Variants in CRYBG1 observed in about 807,000 individuals in gnomAD.
The protein encoded by CRYBG1 is beta/gamma crystallin domain-containing protein 1.
Under a neutral mutation model 189.2 loss-of-function variants are expected in CRYBG1, and 139 were observed. The ratio of observed to expected loss-of-function variants is 0.73; its 90% CI spans 0.64 to 0.85. The LOEUF is 0.85. Among genes scored for constraint, CRYBG1 ranks in the 40% least tolerant of loss-of-function variants. The pLI is 0.00. For missense variants in CRYBG1, 2,611 were observed against 2,675.8 expected (o/e 0.98, Z 0.53); for synonymous variants, 1,023 against 1,017.1 (o/e 1.01, Z -0.11).
chr6:106,458,957 G>A (rs750636022), intron 2 of CRYBG1, among the ~76,000 whole-genome samples: 1 of 152,164 alleles, frequency 6.6e-6, no homozygotes, highest in Non-Finnish European at 1.5e-5. Flanking sequence ...GCTGGAGGAC[G>A]TTGCTTTGGT....
chr6:106,421,628 A>T (rs928363655), intron 1 of CRYBG1, among the ~76,000 whole-genome samples: 38 of 152,138 alleles, frequency 2.5e-4, no homozygotes, highest in African/African-American at 8.5e-4. Flanking sequence ...GATGTGACTC[A>T]GTCTTGTCCT....
rs938968662 is a variant in CRYBG1 at position 106,555,151 on chromosome 6, C to T, written c.5586-617C>T. Among the ~76,000 whole-genome samples the T allele has an allele frequency of 2.3e-4, 34 of 146,260 alleles. 1 individual carries two copies. The highest frequency in any genetic ancestry group is 2.2e-4 in the South Asian group (1 of 4,604). ...CTGCACTCCAGCCTGTGTGACAGAG[C>T]GAGATTCTGTCCCCCCGCCACCAAA... On this transcript the variant is annotated intron_variant, in intron 16 of 21. Transcript: ENST00000633556.
chr6:106,369,086 C>T (rs1036658582), intron 1 of CRYBG1, among the ~76,000 whole-genome samples: 4 of 152,102 alleles, frequency 2.6e-5, no homozygotes, highest in Admixed American at 2.6e-4. Context: ...GTTCAGAATA[C>T]TGATGGATTC....
Position 106,519,669 on chromosome 6 carries a change from G to T in CRYBG1, c.2461G>T (p.Ala821Ser). The change falls in exon 4 of 22, where the codon GCA (alanine) becomes TCA (serine). Residue 821 changes from alanine to serine, a missense_variant. Around this residue, in one of 3 missense-constraint regions of CRYBG1, gnomAD observed 1,622 missense variants for 1,735.0 expected, o/e 0.93. Transcript: ENST00000633556. ...CTTAGAGAAGGAGGACTCAGAGGCT[G>T]CAGACAGCAAAAGCCTTGTACTTGA... ...KLLEKEDSEA[A>S]DSKSLVLENV... 2 of 1,614,088 alleles carry T rather than the reference G, an allele frequency of 1.2e-6. No individual in the cohort carries two copies. The highest frequency in any genetic ancestry group is 1.7e-6 in the Non-Finnish European group (2 of 1,179,956).
At position 106,543,535 on chromosome 6, in the gene CRYBG1, G is replaced by C. The variant is rs138751164; in HGVS notation, c.4977G>C (p.Glu1659Asp). 794 of 1,614,120 alleles carry C rather than the reference G, an allele frequency of 4.9e-4. 7 individuals carry two copies. The African/African-American group carries it at 9.2e-3, about 19-fold the overall frequency. Residue 1659 changes from glutamate (E) to aspartate (D), a missense_variant, in exon 11 of 22, where the codon GAG (glutamate) becomes GAC (aspartate). Transcript: ENST00000633556. ...TCATGGAGGGAGGTGAAACAGAAGA[G>C]GCGACTGGAGACGATCATTTGCCGT... ...SFVMEGGETE[E>D]ATGDDHLPFT...
At chr6:106,541,375 A>G (rs1774125787) in intron 9 of CRYBG1, 2 of 677,930 alleles carry the variant, frequency 3.0e-6, no homozygotes, top group Non-Finnish European at 2.8e-6. Flanking sequence ...AGATCAGCTT[A>G]TAGACTGCTT....
intron 2 of CRYBG1, among the ~76,000 whole-genome samples, chr6:106,472,636 T>G (rs1002075590): frequency 6.6e-6 from 1 of 152,198 alleles, no homozygotes; most frequent in Non-Finnish European, 1.5e-5. Context: ...GGCTCATGCC[T>G]GTAATCCCAG....
At chr6:106,567,799 TACAA>T (rs1265300174) in intron 21 of CRYBG1, among the ~76,000 whole-genome samples, 1 of 152,216 alleles carries the variant, frequency 6.6e-6, no homozygotes, top group Admixed American at 6.5e-5. Context: ...TGGAAAATCT[TACAA>T]ACATTCTGGT....
At position 106,558,577 on chromosome 6, in the gene CRYBG1, C is replaced by G. The variant is rs772065472; in HGVS notation, c.5807C>G (p.Ser1936Cys). Residue 1936 changes from serine to cysteine, a missense_variant, in exon 18 of 22, where the codon TCC becomes TGC. This residue lies in a region of CRYBG1 where 1,622 missense variants were observed against 1,735.0 expected (regional missense o/e 0.93). Transcript: ENST00000633556. Reference sequence around the variant, plus strand: ...AATGCAGAAACTGTCAATCTCCGATCCCTGGGATTCAACACACAAATACGC... The same window carrying G: ...AATGCAGAAACTGTCAATCTCCGATGCCTGGGATTCAACACACAAATACGC... Reference protein sequence around the residue: ...ELNAETVNLRSLGFNTQIRSV... With the variant: ...ELNAETVNLRCLGFNTQIRSV... 1.2e-6 allele frequency: 2 copies of G among 1,613,474 alleles called. No individual in the cohort carries two copies. The highest frequency in any genetic ancestry group is 1.7e-6 in the Non-Finnish European group (2 of 1,179,556).
At chr6:106,492,799 C>G (rs1401991907) in intron 2 of CRYBG1, among the ~76,000 whole-genome samples, 1 of 152,046 alleles carries the variant, frequency 6.6e-6, no homozygotes, top group Non-Finnish European at 1.5e-5. Flanking sequence ...ATGTAAGAGA[C>G]TTGTCCTTTA....
chr6:106,566,461 A>AT (rs1774889380), intron 21 of CRYBG1, among the ~76,000 whole-genome samples: 1 of 108,612 alleles, frequency 9.2e-6, no homozygotes, highest in Non-Finnish European at 1.8e-5. Flanking sequence ...TAGCAACAAC[A>AT]GTCTTTTTTT....
chr6:106,521,598 G>T, intron 4 of CRYBG1, 145 bp downstream of exon 4: 1 of 982,676 alleles, frequency 1.0e-6, no homozygotes, highest in East Asian at 2.6e-5. Context: ...TTGAAAACCT[G>T]CAATGTACAA....
At chr6:106,508,867 G>A (rs1028663212) in intron 2 of CRYBG1, among the ~76,000 whole-genome samples, 3 of 150,830 alleles carry the variant, frequency 2.0e-5, no homozygotes, top group Non-Finnish European at 4.4e-5. Flanking sequence ...TCAAGTAGTT[G>A]AGCCAAGTTG....
intron 7 of CRYBG1, among the ~76,000 whole-genome samples, chr6:106,529,003 G>C (rs1773815925): frequency 6.6e-6 from 1 of 151,430 alleles, no homozygotes; most frequent in African/African-American, 2.4e-5. Context: ...GAGTGCAGTG[G>C]TGCAATCTCA....
At chr6:106,394,216 C>T (rs1387355715) in intron 1 of CRYBG1, among the ~76,000 whole-genome samples, 2 of 152,194 alleles carry the variant, frequency 1.3e-5, no homozygotes, top group African/African-American at 4.8e-5. Flanking sequence ...AATGTCTCTA[C>T]ATCGTTTATC....
chr6:106,415,075 C>G (rs781120088), intron 1 of CRYBG1, among the ~76,000 whole-genome samples: 3 of 152,132 alleles, frequency 2.0e-5, no homozygotes, highest in Non-Finnish European at 4.4e-5. Context: ...TTTACCTGCT[C>G]CTACAATCTT....
chr6:106,417,946 C>T (rs1401438465), intron 1 of CRYBG1, among the ~76,000 whole-genome samples: 6 of 152,256 alleles, frequency 3.9e-5, no homozygotes, highest in African/African-American at 1.2e-4. Context: ...GCAGCTCAGT[C>T]GGCCCCTGGC....
intron 7 of CRYBG1, among the ~76,000 whole-genome samples, chr6:106,529,406 C>A (rs965900903): frequency 4.6e-5 from 7 of 152,142 alleles, no homozygotes; most frequent in African/African-American, 1.7e-4. Flanking sequence ...TAAGTCACAG[C>A]GTATATTTTC....
chr6:106,499,104 AT>A (rs1275164377), intron 2 of CRYBG1, among the ~76,000 whole-genome samples: 1,361 of 126,808 alleles, frequency 0.011, 25 homozygotes, highest in African/African-American at 0.038. Context: ...TTTTTTTTGC[AT>A]TTTTTTTTGT....
Sources: gnomAD v4.1 joint callset for allele counts (sites outside exome capture counted in the v4.1 genomes callset) on GRCh38, gnomAD v4.1.1 for gene constraint, gnomAD v4.1.1 regional missense constraint, MANE v1.5 for transcripts, NCBI Gene and HGNC (gene_info 2026-07-23, HGNC 2026-07-21) for gene names.